Variants in CADPS observed in about 807,000 individuals in gnomAD.
CADPS encodes calcium dependent secretion activator.
CADPS carries 57 observed loss-of-function variants against 167.3 expected under a neutral mutation model. The observed-to-expected ratio is 0.34, with a 90% CI of 0.28 to 0.42. The LOEUF (loss-of-function observed/expected upper bound fraction) is 0.42, where lower values mean the gene tolerates loss of function less well. Ranked by LOEUF, CADPS falls within the 20% of genes least tolerant of loss-of-function variation. The pLI is 1.00. For synonymous variants in CADPS, 676 were observed against 635.3 expected (o/e 1.06, Z -0.96); for missense variants, 1,414 against 1,738.1 (o/e 0.81, Z 3.32).
chr3:62,421,793 G>A lies in CADPS; in HGVS notation c.3777+16311C>T, dbSNP rs762014952. Among the ~76,000 whole-genome samples the A allele has an allele frequency of 3.3e-5, 5 of 152,306 alleles. No individual in the cohort carries two copies. The highest frequency in any genetic ancestry group is 1.9e-4 in the East Asian group (1 of 5,168). On this transcript the variant is annotated intron_variant, in intron 28 of 29. Transcript: ENST00000383710. The surrounding 1 kb of genome is among the most constrained non-coding windows in gnomAD (Gnocchi z 4.7). ...TTTCCTAGGGATGGAGGGATGCCCC[G>A]GGTCTGGGTTTTTTTGGAGTGTGCT...
chr3:62,786,248 T>C (rs1487887362), intron 1 of CADPS, among the ~76,000 whole-genome samples: 1 of 152,054 alleles, frequency 6.6e-6, no homozygotes, highest in Non-Finnish European at 1.5e-5. Context: ...AAAGTTATTT[T>C]CTTGTTAATC....
intron 2 of CADPS, among the ~76,000 whole-genome samples, chr3:62,760,008 T>C (rs935530123): frequency 6.6e-6 from 1 of 152,194 alleles, no homozygotes; most frequent in Non-Finnish European, 1.5e-5. Flanking sequence ...GCCATGACCT[T>C]GTGGTAGGTG....
chr3:62,684,754 C>T (rs1237183254), intron 3 of CADPS, among the ~76,000 whole-genome samples: 2 of 151,996 alleles, frequency 1.3e-5, no homozygotes, highest in Non-Finnish European at 2.9e-5. Context: ...TGGTTTAAGA[C>T]ATTCAGCAGA....
chr3:62,473,437 T>C (rs982191517), intron 24 of CADPS, among the ~76,000 whole-genome samples: 3 of 152,240 alleles, frequency 2.0e-5, no homozygotes, highest in African/African-American at 4.8e-5. Flanking sequence ...TTTATGCCAA[T>C]TGGCAACAAC....
Position 62,400,630 on chromosome 3 carries a change from T to C in CADPS, c.3883-1045A>G, listed in dbSNP as rs1575534307. ...TTTTTTTTTTTTCAAGATGGCATCT[T>C]GCTCTGTCACCCAGGCTGGAGTGCA... On this transcript the variant is annotated intron_variant, in intron 29 of 29. Coordinates refer to ENST00000383710, the MANE Select transcript of CADPS (RefSeq NM_003716.4). 2.1e-5 allele frequency among the ~76,000 whole-genome samples: 3 copies of C among 144,554 alleles called. No individual in the cohort carries two copies. In the South Asian group the frequency reaches 6.7e-4, roughly 32 times the overall value. 94.8% of individuals were successfully genotyped at this position (144,554 alleles called of 152,430 possible).
intron 3 of CADPS, among the ~76,000 whole-genome samples, chr3:62,685,857 G>A (rs1380948648): frequency 2.0e-5 from 3 of 152,118 alleles, no homozygotes; most frequent in Non-Finnish European, 4.4e-5. Flanking sequence ...TCTGACAGGA[G>A]GTGGAGCTCA....
At chr3:62,830,406 T>C (rs2074866516) in intron 1 of CADPS, among the ~76,000 whole-genome samples, 1 of 152,204 alleles carries the variant, frequency 6.6e-6, no homozygotes, top group African/African-American at 2.4e-5. Flanking sequence ...AGCAATCAGC[T>C]GCTGACAATC....
chr3:62,702,516 G>A (rs1004420020), intron 3 of CADPS, among the ~76,000 whole-genome samples: 6 of 152,172 alleles, frequency 3.9e-5, no homozygotes, highest in African/African-American at 1.4e-4. Flanking sequence ...AAATAGATTG[G>A]TGATGATGGG....
chr3:62,635,664 C>G (rs1184373258), intron 6 of CADPS, among the ~76,000 whole-genome samples: 1 of 134,792 alleles, frequency 7.4e-6, no homozygotes, highest in Non-Finnish European at 1.6e-5. Flanking sequence ...TTTTTTTTTT[C>G]CCCTCCCCAG....
At chr3:62,843,877 C>T (rs1178007000) in intron 1 of CADPS, among the ~76,000 whole-genome samples, 1 of 151,774 alleles carries the variant, frequency 6.6e-6, no homozygotes, top group African/African-American at 2.4e-5. Context: ...GAAAATGAAT[C>T]ATTAGAAAGC....
intron 27 of CADPS, among the ~76,000 whole-genome samples, chr3:62,444,683 TAAAC>T (rs1470274347): frequency 6.6e-6 from 1 of 152,218 alleles, no homozygotes; most frequent in Non-Finnish European, 1.5e-5. Flanking sequence ...ATTCTTTCAT[TAAAC>T]AAACACAATA....
rs1419437970 is a variant in CADPS, at chr3:62,491,261, A to G, written c.3026+78T>C. ...CCACAATAACAGTGAAACCCATATG[A>G]CATCATTAATCCATTTCTGTATTAC... On this transcript the variant is annotated intron_variant, in intron 21 of 29. Coordinates refer to ENST00000383710, the MANE Select transcript of CADPS (RefSeq NM_003716.4). 16 of 1,392,016 alleles carry G rather than the reference A, an allele frequency of 1.1e-5. No homozygotes were observed. In the Admixed American group the frequency reaches 3.0e-4, roughly 26 times the overall value. 86.2% of individuals were successfully genotyped at this position (1,392,016 alleles called of 1,614,324 possible). A position where few individuals can be genotyped will look rare whatever the true frequency, so the allele number is the denominator to read the frequency against.
At chr3:62,756,092 T>C (rs1323644011) in intron 2 of CADPS, among the ~76,000 whole-genome samples, 4 of 151,810 alleles carry the variant, frequency 2.6e-5, no homozygotes, top group Admixed American at 1.3e-4. Context: ...CTCACTTTGT[T>C]GCCCAGGCTG....
At chr3:62,506,355 T>C (rs1220389018) in intron 17 of CADPS, among the ~76,000 whole-genome samples, 3 of 152,128 alleles carry the variant, frequency 2.0e-5, no homozygotes, top group Non-Finnish European at 4.4e-5. Context: ...CCCACTGCAC[T>C]CCAGCCTGGG....
At chr3:62,477,395 G>T (rs1309528328) in intron 23 of CADPS, among the ~76,000 whole-genome samples, 3 of 151,702 alleles carry the variant, frequency 2.0e-5, no homozygotes, top group South Asian at 2.1e-4. Context: ...TCTGGGGGTA[G>T]ACAGAGTGAT....
chr3:62,401,552 T>C (rs1345764015), intron 29 of CADPS, among the ~76,000 whole-genome samples: 1 of 152,226 alleles, frequency 6.6e-6, no homozygotes, highest in Non-Finnish European at 1.5e-5. Context: ...AAGCCAATTA[T>C]CCTTGGAAAT....
At chr3:62,495,848 G>T (rs972829908) in intron 18 of CADPS, among the ~76,000 whole-genome samples, 1 of 152,154 alleles carries the variant, frequency 6.6e-6, no homozygotes, top group Non-Finnish European at 1.5e-5. Flanking sequence ...ACCATATACC[G>T]CATGTGTGTG....
chr3:62,839,282 C>T (rs1383055551), intron 1 of CADPS, among the ~76,000 whole-genome samples: 3 of 152,092 alleles, frequency 2.0e-5, no homozygotes, highest in East Asian at 1.9e-4. Context: ...GCAACCTCTG[C>T]CTCCCGGGTT....
intron 1 of CADPS, among the ~76,000 whole-genome samples, chr3:62,816,685 A>G (rs1342093405): frequency 6.6e-6 from 1 of 151,842 alleles, no homozygotes; most frequent in African/African-American, 2.4e-5. Flanking sequence ...CTTAGTGCAG[A>G]ACTGTAAGAA....
Sources: gnomAD v4.1 joint callset for allele counts (sites outside exome capture counted in the v4.1 genomes callset) on GRCh38, gnomAD v4.1.1 for gene constraint, Gnocchi (gnomAD v3.1) non-coding constraint, MANE v1.5 for transcripts, NCBI Gene and HGNC (gene_info 2026-07-23, HGNC 2026-07-21) for gene names.